DNAH14: variants seen among roughly 807,000 people sequenced by gnomAD.
DNAH14 encodes dynein axonemal heavy chain 14.
Under a neutral mutation model 520.9 loss-of-function variants are expected in DNAH14, and 478 were observed. The ratio of observed to expected loss-of-function variants is 0.92; its 90% CI spans 0.85 to 0.99. The LOEUF is 0.99. DNAH14 is among the 50% of genes least tolerant of loss of function. The pLI, the probability that DNAH14 is intolerant of heterozygous loss-of-function variation, is 0.00. For synonymous variants in DNAH14, 1,581 were observed against 1,757.2 expected (o/e 0.90, Z 2.51); for missense variants, 4,831 against 5,234.5 (o/e 0.92, Z 2.38).
chr1:225,100,907 G>C, intron 23 of DNAH14, 23 bp downstream of exon 23: 1 of 1,447,176 alleles, frequency 6.9e-7, no homozygotes, highest in Non-Finnish European at 9.1e-7. Flanking sequence ...CAATTCTAAA[G>C]CAGTGAATCA....
intron 35 of DNAH14, among the ~76,000 whole-genome samples, chr1:225,166,320 G>C (rs1008273873): frequency 6.6e-6 from 1 of 152,058 alleles, no homozygotes; most frequent in Non-Finnish European, 1.5e-5. Context: ...AAACACACCA[G>C]TTTATTCAGC....
chr1:225,229,580 AT>A (rs2090900212), intron 41 of DNAH14, among the ~76,000 whole-genome samples: 1 of 152,188 alleles, frequency 6.6e-6, no homozygotes, highest in Non-Finnish European at 1.5e-5. Context: ...ATGGAATACT[AT>A]GCAGCCATAA....
chr1:225,136,732 T>C (rs765872035), intron 27 of DNAH14, among the ~76,000 whole-genome samples: 37 of 152,236 alleles, frequency 2.4e-4, no homozygotes, highest in Non-Finnish European at 4.9e-4. Context: ...CTGGATGATA[T>C]GCTGAAGTAC....
Position 225,305,087 on chromosome 1 carries a change from G to A in DNAH14, c.9003G>A (p.Lys3001=), listed in dbSNP as rs1259291045. The A allele has an allele frequency of 6.6e-7, 1 of 1,523,436 alleles. No individual in the cohort carries two copies. Among genetic ancestry groups the A allele is most frequent in the East Asian group, 2.5e-5 (1 of 40,392 alleles). The allele number at this position is 1,523,436 out of a possible 1,614,324, so 94.4% of individuals were successfully genotyped here. A position where few individuals can be genotyped will look rare whatever the true frequency, so the allele number is the denominator to read the frequency against. The change falls in exon 58 of 86, where the codon AAG becomes AAA. Residue 3001 remains lysine, a splice_region_variant and synonymous_variant. Coordinates refer to ENST00000682510, the MANE Select transcript of DNAH14 (RefSeq NM_001367479.1). ...CACGAGAGGAAGAGATGCAAACAAA[G>A]AGGTAAGACTTTGAGAACAAATCAT... ...LRAREEEMQT[K]RDRFHMGLST...
intron 41 of DNAH14, among the ~76,000 whole-genome samples, chr1:225,220,919 A>T (rs1282822759): frequency 1.3e-5 from 2 of 152,346 alleles, no homozygotes; most frequent in African/African-American, 4.8e-5. Context: ...CAAGGCTTAC[A>T]GTAACAAAAA....
chr1:225,115,329 A>G (rs72748612), intron 23 of DNAH14, among the ~76,000 whole-genome samples: 4,184 of 152,312 alleles, frequency 0.027, 89 homozygotes, highest in Middle Eastern at 0.044. Flanking sequence ...TAAATTCTGC[A>G]AAAGTTGAAA....
chr1:224,941,791 T>C (rs1176511409), intron 1 of DNAH14, among the ~76,000 whole-genome samples: 3 of 152,236 alleles, frequency 2.0e-5, no homozygotes, highest in Non-Finnish European at 4.4e-5. Context: ...CTTGTTTTTG[T>C]CAGGTTTGTC....
intron 21 of DNAH14, among the ~76,000 whole-genome samples, chr1:225,089,741 T>G (rs2074205429): frequency 6.6e-6 from 1 of 152,176 alleles, no homozygotes; most frequent in Admixed American, 6.5e-5. Flanking sequence ...ATATTCTCAG[T>G]ACATTTTAAA....
chr1:225,232,327 G>T lies in DNAH14; in HGVS notation c.6518+1176G>T, dbSNP rs2091212854. Among the ~76,000 whole-genome samples the T allele has an allele frequency of 6.6e-6, 1 of 151,184 alleles. No homozygotes were observed. The highest frequency in any genetic ancestry group is 1.5e-5 in the Non-Finnish European group (1 of 67,848). On this transcript the variant is annotated intron_variant, in intron 42 of 85. Coordinates refer to ENST00000682510, the MANE Select transcript of DNAH14 (RefSeq NM_001367479.1). The surrounding 1 kb of genome is among the most constrained non-coding windows in gnomAD (Gnocchi z 4.2). ...TGTATCACAGGTTATTTATCGATTG[G>T]TAAACATTTAGATTTTCAATTTTGT...
chr1:224,984,735 A>G (rs180706662), intron 8 of DNAH14, among the ~76,000 whole-genome samples: 515 of 152,238 alleles, frequency 3.4e-3, no homozygotes, highest in Non-Finnish European at 5.4e-3. Context: ...ACAAAGGACT[A>G]ATATCCAGAA....
At position 225,050,359 on chromosome 1, in the gene DNAH14, C is replaced by G. The variant is rs1443239080; in HGVS notation, c.2062C>G (p.Pro688Ala). 9.1e-6 allele frequency: 14 copies of G among 1,543,462 alleles called. No individual in the cohort carries two copies. Among genetic ancestry groups the G allele is most frequent in the Non-Finnish European group, 1.2e-5 (14 of 1,144,526 alleles). Residue 688 changes from proline to alanine, a missense_variant, in exon 16 of 86, where the codon CCT (proline) becomes GCT (alanine). Coordinates refer to ENST00000682510, the MANE Select transcript of DNAH14 (RefSeq NM_001367479.1). ...TTGTCACATCCTTTTTGAAACAGAT[C>G]CTGCCTACCAAAATATAGTAAGTTT... ...PDCHILFETD[P>A]AYQNIIVNLL...
intron 55 of DNAH14, among the ~76,000 whole-genome samples, chr1:225,297,371 A>G (rs2094032900): frequency 6.6e-6 from 1 of 151,768 alleles, no homozygotes; most frequent in South Asian, 2.1e-4. Context: ...ATATTTCTGT[A>G]TGATTGCAAC....
chr1:225,190,004 C>T (rs1024440253), intron 37 of DNAH14, among the ~76,000 whole-genome samples: 1 of 151,248 alleles, frequency 6.6e-6, no homozygotes, highest in Non-Finnish European at 1.5e-5. Context: ...GAATTGTGTC[C>T]CCCCCACCCA....
intron 1 of DNAH14, among the ~76,000 whole-genome samples, chr1:224,930,935 C>G (rs757577177): frequency 6.6e-6 from 1 of 152,104 alleles, no homozygotes; most frequent in Non-Finnish European, 1.5e-5. Flanking sequence ...TTAGTGTACT[C>G]CTCTTTATTA....
Position 225,257,815 on chromosome 1 carries a change from G to C in DNAH14, c.6866-145G>C, listed in dbSNP as rs903819982. Reference sequence around the variant, plus strand: ...CTCCCAAAGTGCTGGGATTACAGGCGTGAGCCACCGTGCCCAGCCAGCCAT... The same window carrying C: ...CTCCCAAAGTGCTGGGATTACAGGCCTGAGCCACCGTGCCCAGCCAGCCAT... On this transcript the variant is annotated intron_variant, in intron 44 of 85. Coordinates refer to ENST00000682510, the MANE Select transcript of DNAH14 (RefSeq NM_001367479.1). The C allele has an allele frequency of 9.7e-6, 6 of 619,678 alleles. No individual in the cohort carries two copies. The African/African-American group carries it at 9.8e-5, about 10-fold the overall frequency. 38.4% of individuals were successfully genotyped at this position (619,678 alleles called of 1,614,324 possible).
At position 225,259,114 on chromosome 1, in the gene DNAH14, C is replaced by T. The variant is rs2092842330; in HGVS notation, c.7025-7C>T. On this transcript the variant is annotated splice_region_variant and splice_polypyrimidine_tract_variant and intron_variant, in intron 45 of 85. Coordinates refer to ENST00000682510, the MANE Select transcript of DNAH14 (RefSeq NM_001367479.1). ...ATACATCTAACCTTGTGTATTTTTT[C>T]CCTTAGGAGAATCTGGTGTTGGGAA... 4 of 1,537,812 alleles carry T rather than the reference C, an allele frequency of 2.6e-6. No individual in the cohort carries two copies. The Admixed American group carries it at 8.5e-5, about 33-fold the overall frequency.
chr1:225,367,020 C>T (rs1341976215), intron 76 of DNAH14, among the ~76,000 whole-genome samples: 4 of 146,796 alleles, frequency 2.7e-5, no homozygotes, highest in African/African-American at 9.9e-5. Flanking sequence ...CACACACACA[C>T]ACACACACAC....
At chr1:225,203,423 C>T (rs754237475) in intron 38 of DNAH14, among the ~76,000 whole-genome samples, 1 of 152,122 alleles carries the variant, frequency 6.6e-6, no homozygotes, top group Non-Finnish European at 1.5e-5. Flanking sequence ...GAAACATGAG[C>T]ACCTTTGTCT....
At chr1:225,274,490 G>T (rs377153983) in intron 52 of DNAH14, among the ~76,000 whole-genome samples, 4 of 152,098 alleles carry the variant, frequency 2.6e-5, no homozygotes, top group Non-Finnish European at 5.9e-5. Context: ...CACCGCGCCC[G>T]GCCGCATCTG....
Sources: gnomAD v4.1 joint callset for allele counts (sites outside exome capture counted in the v4.1 genomes callset) on GRCh38, gnomAD v4.1.1 for gene constraint, Gnocchi (gnomAD v3.1) non-coding constraint, MANE v1.5 for transcripts, NCBI Gene and HGNC (gene_info 2026-07-23, HGNC 2026-07-21) for gene names.